The following ZBTB7C variants were observed in gnomAD, a reference collection of about 807,000 sequenced individuals.
The protein encoded by ZBTB7C is zinc finger and BTB domain-containing protein 7C.
ZBTB7C carries 8 observed loss-of-function variants against 25.7 expected under a neutral mutation model. That is an observed-to-expected ratio of 0.31 (90% CI 0.18 to 0.56). ZBTB7C has a LOEUF of 0.56. Ranked by LOEUF, ZBTB7C falls within the 20% of genes least tolerant of loss-of-function variation. The pLI, the probability that ZBTB7C is intolerant of heterozygous loss-of-function variation, is 0.91. For synonymous variants in ZBTB7C, 394 were observed against 369.0 expected, an observed-to-expected ratio of 1.07 and a Z score of -0.78; for missense variants, 824 against 855.2, an observed-to-expected ratio of 0.96 and a Z score of 0.46.
intron 1 of ZBTB7C, among the ~76,000 whole-genome samples, chr18:48,403,881 A>C (rs2048217760): frequency 1.3e-5 from 2 of 152,152 alleles, no homozygotes; most frequent in Non-Finnish European, 2.9e-5. Flanking sequence ...GATAATAAAC[A>C]GGCCTATTTG....
intron 1 of ZBTB7C, among the ~76,000 whole-genome samples, chr18:48,381,285 C>T (rs1476631953): frequency 1.3e-5 from 2 of 152,114 alleles, no homozygotes; most frequent in African/African-American, 2.4e-5. Context: ...TAAAAGGTGG[C>T]CCCAAGATGA....
At chr18:48,114,905 T>G (rs895281195) in intron 3 of ZBTB7C, among the ~76,000 whole-genome samples, 1 of 152,218 alleles carries the variant, frequency 6.6e-6, no homozygotes, top group Non-Finnish European at 1.5e-5. Flanking sequence ...CGTTTTTTAT[T>G]TTTTGGGAAA....
At chr18:48,158,108 A>G (rs2040892292) in intron 3 of ZBTB7C, among the ~76,000 whole-genome samples, 1 of 152,116 alleles carries the variant, frequency 6.6e-6, no homozygotes, top group Non-Finnish European at 1.5e-5. Context: ...ACAAAATGGT[A>G]TCTGGTCTGG....
intron 1 of ZBTB7C, among the ~76,000 whole-genome samples, chr18:48,368,787 A>AT (rs1555752627): frequency 3.2e-5 from 1 of 31,198 alleles, no homozygotes; most frequent in African/African-American, 1.5e-4. Flanking sequence ...GAAGCAGCAC[A>AT]TTTTTCAAGT....
intron 3 of ZBTB7C, among the ~76,000 whole-genome samples, chr18:48,079,158 A>C (rs2037885448): frequency 6.6e-6 from 1 of 152,214 alleles, no homozygotes; most frequent in African/African-American, 2.4e-5. Context: ...TGGTAAACTG[A>C]GGCCTCAGAT....
intron 2 of ZBTB7C, among the ~76,000 whole-genome samples, chr18:48,239,937 G>A (rs2043479732): frequency 6.6e-6 from 1 of 152,010 alleles, no homozygotes; most frequent in South Asian, 2.1e-4. Context: ...CTAGAGAAAG[G>A]TGAAAACCAA....
At chr18:48,206,799 T>C (rs182792577) in intron 2 of ZBTB7C, among the ~76,000 whole-genome samples, 2 of 152,202 alleles carry the variant, frequency 1.3e-5, no homozygotes, top group Admixed American at 1.3e-4. Context: ...TGATCTCAGG[T>C]AGGCAAAGAA....
chr18:48,360,727 T>C (rs1334629089), intron 1 of ZBTB7C, among the ~76,000 whole-genome samples: 1 of 150,706 alleles, frequency 6.6e-6, no homozygotes, highest in Non-Finnish European at 1.5e-5. Flanking sequence ...AAGGCAGGGG[T>C]GAGTGTGAGG....
At chr18:48,191,012 T>C (rs1159298941) in intron 2 of ZBTB7C, among the ~76,000 whole-genome samples, 1 of 152,162 alleles carries the variant, frequency 6.6e-6, no homozygotes, top group Non-Finnish European at 1.5e-5. Context: ...TACAAATCTC[T>C]CACTTTACAA....
chr18:48,404,820 T>G (rs1317266857), intron 1 of ZBTB7C, among the ~76,000 whole-genome samples: 2 of 152,158 alleles, frequency 1.3e-5, no homozygotes, highest in African/African-American at 4.8e-5. Context: ...ATTCAGCAAA[T>G]GTTTTTCATG....
intron 1 of ZBTB7C, among the ~76,000 whole-genome samples, chr18:48,357,532 T>C (rs1904899006): frequency 6.6e-6 from 1 of 152,156 alleles, no homozygotes. Flanking sequence ...GGCCCAGGAA[T>C]TCTCCCCAGG....
At chr18:48,266,962 A>G (rs1015287059) in intron 2 of ZBTB7C, among the ~76,000 whole-genome samples, 7 of 152,182 alleles carry the variant, frequency 4.6e-5, no homozygotes, top group African/African-American at 1.7e-4. Context: ...GCTCCACCCC[A>G]TTCCTTTAAA....
chr18:48,195,703 T>C (rs1301519173), intron 2 of ZBTB7C, among the ~76,000 whole-genome samples: 1 of 152,170 alleles, frequency 6.6e-6, no homozygotes, highest in East Asian at 1.9e-4. Flanking sequence ...ATAATCTGAG[T>C]GTAAAAAGTC....
At chr18:48,284,070 C>T (rs1255795790) in intron 2 of ZBTB7C, among the ~76,000 whole-genome samples, 1 of 152,086 alleles carries the variant, frequency 6.6e-6, no homozygotes, top group African/African-American at 2.4e-5. Context: ...TCACTTGAAC[C>T]CGGGAGGCAG....
At position 48,041,444 on chromosome 18, in the gene ZBTB7C, T is replaced by TACA. The variant is rs1218483002; in HGVS notation, c.-16-324_-16-322dup. The TACA allele has an allele frequency of 8.1e-6, 8 of 985,448 alleles. No individual in the cohort carries two copies. The African/African-American group carries it at 1.2e-4, about 15-fold the overall frequency. 61.0% of individuals were successfully genotyped at this position (985,448 alleles called of 1,614,324 possible). Reference sequence around the variant, plus strand: ...ACTTTGCCAACATGCAGTTGCAGAATACAACTGCAGGATGAAAAGCCTCAT... The same window carrying TACA: ...ACTTTGCCAACATGCAGTTGCAGAATACAACAACTGCAGGATGAAAAGCCTCAT... On this transcript the variant is annotated intron_variant, in intron 3 of 4. Coordinates refer to ENST00000590800, the MANE Select transcript of ZBTB7C (RefSeq NM_001318841.2).
At chr18:48,108,266 C>T (rs1320516059) in intron 3 of ZBTB7C, among the ~76,000 whole-genome samples, 1 of 152,202 alleles carries the variant, frequency 6.6e-6, no homozygotes, top group Non-Finnish European at 1.5e-5. Context: ...GGTGCCCTCT[C>T]TTCTCTATAC....
At chr18:48,280,193 G>A (rs1339017868) in intron 2 of ZBTB7C, among the ~76,000 whole-genome samples, 1 of 152,088 alleles carries the variant, frequency 6.6e-6, no homozygotes, top group East Asian at 1.9e-4. Context: ...CAGAGAAGGA[G>A]GAGTGGGCAG....
At chr18:48,291,035 C>G (rs1436489049) in intron 2 of ZBTB7C, among the ~76,000 whole-genome samples, 2 of 152,236 alleles carry the variant, frequency 1.3e-5, no homozygotes, top group African/African-American at 4.8e-5. Flanking sequence ...TGCCTGGTAT[C>G]ATCACCCTAG....
At chr18:48,106,043 C>A (rs1423260804) in intron 3 of ZBTB7C, among the ~76,000 whole-genome samples, 1 of 152,224 alleles carries the variant, frequency 6.6e-6, no homozygotes, top group African/African-American at 2.4e-5. Context: ...AAATGGGAAA[C>A]ATTTCACTAA....
Sources: allele counts gnomAD v4.1 joint callset (sites outside exome capture counted in the v4.1 genomes callset), GRCh38; gene constraint gnomAD v4.1.1; transcripts MANE v1.5; gene names NCBI Gene and HGNC (gene_info 2026-07-23, HGNC 2026-07-21).